ZNF189: variants seen among roughly 807,000 people sequenced by gnomAD.
The protein encoded by ZNF189 is zinc finger protein 189.
ZNF189 carries 33 observed loss-of-function variants against 53.5 expected under a neutral mutation model. The ratio of observed to expected loss-of-function variants is 0.62; its 90% CI spans 0.47 to 0.82. The LOEUF is 0.82. Ranked by LOEUF, ZNF189 falls within the 40% of genes least tolerant of loss-of-function variation. The pLI, the probability that ZNF189 is intolerant of heterozygous loss-of-function variation, is 0.00. For synonymous variants in ZNF189, 247 were observed against 238.8 expected (o/e 1.03, Z -0.32); for missense variants, 711 against 753.9 (o/e 0.94, Z 0.67).
chr9:101,401,269 T>C (rs1332848939), intron 2 of ZNF189, among the ~76,000 whole-genome samples: 1 of 152,234 alleles, frequency 6.6e-6, no homozygotes, highest in Non-Finnish European at 1.5e-5. Context: ...CTGTTCTTTT[T>C]AGTGACTATT....
chr9:101,402,639 C>T (rs755688208), intron 2 of ZNF189, among the ~76,000 whole-genome samples: 3 of 152,144 alleles, frequency 2.0e-5, no homozygotes, highest in Non-Finnish European at 4.4e-5. Flanking sequence ...TATACTCCTG[C>T]TATTGAATTT....
At chr9:101,404,992 T>TTAAAG (rs138399451) in intron 2 of ZNF189, among the ~76,000 whole-genome samples, 12,026 of 152,312 alleles carry the variant, frequency 0.079, 535 homozygotes, top group Middle Eastern at 0.16. Flanking sequence ...GCTTTGAATC[T>TTAAAG]TAAAACCAAA....
At position 101,399,175 on chromosome 9, in the gene ZNF189, C is replaced by A. The variant is rs774637918; in HGVS notation, c.19C>A (p.Pro7Thr). 1.9e-6 allele frequency: 3 copies of A among 1,595,380 alleles called. No homozygotes were observed. Among genetic ancestry groups the A allele is most frequent in the African/African-American group, 1.3e-5 (1 of 74,510 alleles). Residue 7 changes from proline to threonine, a missense_variant, in exon 1 of 3, where the codon CCG becomes ACG. Coordinates refer to ENST00000339664, the MANE Select transcript of ZNF189 (RefSeq NM_003452.4). Reference sequence around the variant, plus strand: ...CTGGGAGATGGCTTCCCCGAGCCCCCCGCCGGAGTCGAAGGTAAGTAAGCA... The same window carrying A: ...CTGGGAGATGGCTTCCCCGAGCCCCACGCCGGAGTCGAAGGTAAGTAAGCA... MASPSP[P>T]PESKGLLTFE...
chr9:101,402,364 A>G (rs937616787), intron 2 of ZNF189, among the ~76,000 whole-genome samples: 2 of 152,242 alleles, frequency 1.3e-5, no homozygotes, highest in East Asian at 3.8e-4. Context: ...AAATAATAAT[A>G]GCACCTACCT....
chr9:101,400,316 C>T (rs911800560), intron 2 of ZNF189, among the ~76,000 whole-genome samples: 5 of 152,086 alleles, frequency 3.3e-5, no homozygotes, highest in African/African-American at 1.2e-4. Flanking sequence ...AACCCCTGTT[C>T]GTCTTCACAT....
rs922680538 is a variant in ZNF189 at position 101,409,821 on chromosome 9, C to A, written c.*172C>A. Reference sequence around the variant, plus strand: ...ACAACTGCCCATGAGCATTTGACTTCCCTTACTCTTTGATGATCGTAGAGA... The same window carrying A: ...ACAACTGCCCATGAGCATTTGACTTACCTTACTCTTTGATGATCGTAGAGA... On this transcript the variant is annotated 3_prime_UTR_variant, in exon 3 of 3. Coordinates refer to ENST00000339664, the MANE Select transcript of ZNF189 (RefSeq NM_003452.4). 9.2e-6 allele frequency: 6 copies of A among 655,154 alleles called. No homozygotes were observed. In the African/African-American group the frequency reaches 1.1e-4, roughly 12 times the overall value. 40.6% of individuals were successfully genotyped at this position (655,154 alleles called of 1,614,324 possible). A position where few individuals can be genotyped will look rare whatever the true frequency, so the allele number is the denominator to read the frequency against.
In ZNF189 at chr9:101,399,324, C is replaced by A. The variant is rs574690222; in HGVS notation, c.33+135C>A. ...GGGCCAGCGCCTTGCAAGGAACTCC[C>A]CACTAGTGCATTGGGGTGCGGTTCG... On this transcript the variant is annotated intron_variant, in intron 1 of 2. Transcript: ENST00000339664. 108 of 1,427,484 alleles carry A rather than the reference C, an allele frequency of 7.6e-5. No individual in the cohort carries two copies. The South Asian group carries it at 1.5e-3, about 20-fold the overall frequency. The allele number at this position is 1,427,484 out of a possible 1,614,324, so 88.4% of individuals were successfully genotyped here. A position where few individuals can be genotyped will look rare whatever the true frequency, so the allele number is the denominator to read the frequency against.
At chr9:101,401,764 A>G (rs1290630960) in intron 2 of ZNF189, among the ~76,000 whole-genome samples, 1 of 152,004 alleles carries the variant, frequency 6.6e-6, no homozygotes, top group Non-Finnish European at 1.5e-5. Flanking sequence ...CTCTTTTGGG[A>G]CCTTATTTTA....
chr9:101,409,812 A>G lies in ZNF189; in HGVS notation c.*163A>G. On this transcript the variant is annotated 3_prime_UTR_variant, in exon 3 of 3. Coordinates refer to ENST00000339664, the MANE Select transcript of ZNF189 (RefSeq NM_003452.4). ...GAATAGTGGACAACTGCCCATGAGCATTTGACTTCCCTTACTCTTTGATGA... is the reference window on the plus strand; with the variant it reads ...GAATAGTGGACAACTGCCCATGAGCGTTTGACTTCCCTTACTCTTTGATGA... The G allele has an allele frequency of 2.8e-6, 2 of 704,658 alleles. No individual in the cohort carries two copies. The highest frequency in any genetic ancestry group is 4.5e-6 in the Non-Finnish European group (2 of 443,342). The allele number at this position is 704,658 out of a possible 1,614,324, so 43.7% of individuals were successfully genotyped here.
rs1258983915 is a variant in ZNF189, at chr9:101,409,217, C to A, written c.1449C>A (p.Pro483=). The A allele has an allele frequency of 6.2e-7, 1 of 1,613,172 alleles. No individual in the cohort carries two copies. Among genetic ancestry groups the A allele is most frequent in the Non-Finnish European group, 8.5e-7 (1 of 1,179,502 alleles). ...AAAGAATCCACACTGGTGAAAAGCC[C>A]TATCTATGTACTGTCTGTGGGAAAA... ...QHQRIHTGEK[P]YLCTVCGKSF... The change falls in exon 3 of 3, where the codon CCC becomes CCA. Residue 483 remains proline, a synonymous_variant. Coordinates refer to ENST00000339664, the MANE Select transcript of ZNF189 (RefSeq NM_003452.4).
intron 2 of ZNF189, chr9:101,407,271 T>A: frequency 2.5e-6 from 1 of 396,306 alleles, no homozygotes; most frequent in East Asian, 3.6e-5. Context: ...GAATCCTGGC[T>A]GATTACAATG....
chr9:101,401,766 C>T (rs943154393), intron 2 of ZNF189, among the ~76,000 whole-genome samples: 3 of 152,150 alleles, frequency 2.0e-5, no homozygotes, highest in Non-Finnish European at 4.4e-5. Context: ...CTTTTGGGAC[C>T]TTATTTTAGT....
Position 101,398,925 on chromosome 9 carries a change from G to A in ZNF189, c.-232G>A, listed in dbSNP as rs1169569026. On this transcript the variant is annotated 5_prime_UTR_variant, in exon 1 of 3. Transcript: ENST00000339664. The stretch of plus-strand genomic sequence containing the variant: ...AGGCTCTAGCGAGGCCTGAAAGGCT[G>A]CGTAACCAGGCAGGAGTAGGGGTTG... 2 of 611,056 alleles carry A rather than the reference G, an allele frequency of 3.3e-6. No homozygotes were observed. The highest frequency in any genetic ancestry group is 2.8e-5 in the Admixed American group (1 of 35,468). 37.9% of individuals were successfully genotyped at this position (611,056 alleles called of 1,614,324 possible).
chr9:101,399,735 G>C, intron 1 of ZNF189, 149 bp from the exon 2 acceptor site: 2 of 1,347,168 alleles, frequency 1.5e-6, no homozygotes, highest in Admixed American at 2.3e-5. Flanking sequence ...GTTACAGTTC[G>C]TTCCCAGAAT....
chr9:101,399,724 A>C (rs1830459422), intron 1 of ZNF189, among the ~76,000 whole-genome samples, 160 bp from the exon 2 acceptor site: 1 of 152,226 alleles, frequency 6.6e-6, no homozygotes. Flanking sequence ...GATGTCTGTC[A>C]GTTACAGTTC....
intron 2 of ZNF189, among the ~76,000 whole-genome samples, chr9:101,401,220 A>AT (rs1246927682): frequency 6.6e-6 from 1 of 152,110 alleles, no homozygotes. Flanking sequence ...GGGTTTTTAT[A>AT]TCTTAGCAAT....
intron 1 of ZNF189, 110 bp from the exon 2 acceptor site, chr9:101,399,774 A>C (rs1830462387): frequency 6.5e-7 from 1 of 1,527,588 alleles, no homozygotes; most frequent in Admixed American, 2.0e-5. Context: ...TTCAGTTATC[A>C]TGTTCCTCCT....
At chr9:101,400,114 A>G (rs1830479594) in intron 2 of ZNF189, 104 bp downstream of exon 2, 1 of 1,443,602 alleles carries the variant, frequency 6.9e-7, no homozygotes, top group African/African-American at 1.4e-5. Context: ...GCTTTGTTCC[A>G]AAGTTCTGAT....
intron 2 of ZNF189, among the ~76,000 whole-genome samples, chr9:101,406,666 A>G (rs1830721731): frequency 6.6e-6 from 1 of 152,238 alleles, no homozygotes; most frequent in African/African-American, 2.4e-5. Context: ...ATGACTCCAC[A>G]AAAAATTGAG....
Sources: allele counts gnomAD v4.1 joint callset (sites outside exome capture counted in the v4.1 genomes callset), GRCh38; gene constraint gnomAD v4.1.1; transcripts MANE v1.5; gene names NCBI Gene and HGNC (gene_info 2026-07-23, HGNC 2026-07-21).